Variants in ANO10 observed in about 807,000 individuals in gnomAD.
ANO10 encodes the protein anoctamin 10.
ANO10 carries 77 observed loss-of-function variants against 74.7 expected under a neutral mutation model. The observed-to-expected ratio is 1.03, with a 90% CI of 0.86 to 1.25. The LOEUF (loss-of-function observed/expected upper bound fraction) is 1.25, where lower values mean the gene tolerates loss of function less well. Ranked by LOEUF, ANO10 falls within the 50% of genes most tolerant of loss-of-function variation. The probability of loss-of-function intolerance (pLI) is 0.00; values close to 1 mark genes in which losing one functional copy is unlikely to be tolerated. For synonymous variants in ANO10, 279 were observed against 284.9 expected, an observed-to-expected ratio of 0.98 and a Z score of 0.21; for missense variants, 721 against 778.1, an observed-to-expected ratio of 0.93 and a Z score of 0.87.
At chr3:43,383,557 C>G (rs979270284) in intron 12 of ANO10, among the ~76,000 whole-genome samples, 1 of 151,328 alleles carries the variant, frequency 6.6e-6, no homozygotes, top group African/African-American at 2.4e-5. Flanking sequence ...ATGTGATATA[C>G]CACATAAACC....
intron 11 of ANO10, among the ~76,000 whole-genome samples, chr3:43,470,534 G>A (rs553849055): frequency 2.0e-3 from 307 of 151,942 alleles, no homozygotes; most frequent in Middle Eastern, 0.01. Flanking sequence ...TAGTAGAGAC[G>A]GGGTTTCACC....
intron 6 of ANO10, 23 bp from the exon 7 acceptor site, chr3:43,574,887 T>C: frequency 6.2e-7 from 1 of 1,606,454 alleles, no homozygotes; most frequent in Non-Finnish European, 8.5e-7. Flanking sequence ...AACACACAGG[T>C]AACTTCTCAG....
At chr3:43,374,116 T>C (rs2091716452) in intron 12 of ANO10, among the ~76,000 whole-genome samples, 1 of 152,180 alleles carries the variant, frequency 6.6e-6, no homozygotes, top group Admixed American at 6.5e-5. Flanking sequence ...GGGGCTCAGG[T>C]CCATGGGTCT....
Position 43,561,337 on chromosome 3 carries a change from A to G in ANO10, c.1359T>C (p.Tyr453=), listed in dbSNP as rs754753502. The change falls in exon 9 of 13, where the codon TAT becomes TAC. Residue 453 remains tyrosine (Y), a synonymous_variant. Coordinates refer to ENST00000292246, the MANE Select transcript of ANO10 (RefSeq NM_018075.5). Reference sequence around the variant, plus strand: ...GCACACCATGCTTCCTTTGGAGCCAATAAGGAAGAAAAGATTCCATAATTT... The same window carrying G: ...GCACACCATGCTTCCTTTGGAGCCAGTAAGGAAGAAAAGATTCCATAATTT... The part of the protein sequence containing the change: ...LNQIMESFLP[Y]WLQRKHGVRV... 4 of 1,614,174 alleles carry G rather than the reference A, an allele frequency of 2.5e-6. No individual in the cohort carries two copies. Among genetic ancestry groups the G allele is most frequent in the East Asian group, 2.2e-5 (1 of 44,874 alleles).
At chr3:43,651,059 A>G (rs1041462501) in intron 1 of ANO10, among the ~76,000 whole-genome samples, 3 of 152,180 alleles carry the variant, frequency 2.0e-5, no homozygotes, top group Admixed American at 6.5e-5. Context: ...TCTGTTACTT[A>G]TACAAAAGCT....
At chr3:43,414,268 A>C (rs1308043026) in intron 12 of ANO10, among the ~76,000 whole-genome samples, 1 of 152,220 alleles carries the variant, frequency 6.6e-6, no homozygotes, top group East Asian at 1.9e-4. Flanking sequence ...CAGAATAAAA[A>C]GAAGACGAAA....
At chr3:43,507,151 A>G (rs1246701053) in intron 11 of ANO10, among the ~76,000 whole-genome samples, 2 of 152,118 alleles carry the variant, frequency 1.3e-5, no homozygotes, top group Non-Finnish European at 2.9e-5. Context: ...TTATCTTTTT[A>G]TCTACCCAAG....
intron 11 of ANO10, among the ~76,000 whole-genome samples, chr3:43,469,303 C>T (rs1976030): frequency 7.8e-4 from 118 of 152,182 alleles, no homozygotes; most frequent in Admixed American, 1.3e-3. Flanking sequence ...ACCTTGGCCT[C>T]CCAAACTGCT....
chr3:43,478,122 T>C (rs2076142970), intron 11 of ANO10, among the ~76,000 whole-genome samples: 1 of 152,194 alleles, frequency 6.6e-6, no homozygotes. Context: ...ATAAGGAAAC[T>C]GAGGATCAGA....
intron 1 of ANO10, among the ~76,000 whole-genome samples, chr3:43,645,546 T>A (rs1247071869): frequency 2.6e-5 from 4 of 152,106 alleles, no homozygotes; most frequent in Admixed American, 2.6e-4. Context: ...AAGAGAATAT[T>A]CTCTGCCTCT....
At chr3:43,634,346 A>G (rs887233367) in intron 1 of ANO10, among the ~76,000 whole-genome samples, 3 of 152,210 alleles carry the variant, frequency 2.0e-5, no homozygotes, top group Non-Finnish European at 4.4e-5. Context: ...TAGTATAAAA[A>G]TAAAAGACTA....
At chr3:43,520,229 A>G (rs2077890511) in intron 11 of ANO10, among the ~76,000 whole-genome samples, 1 of 152,144 alleles carries the variant, frequency 6.6e-6, no homozygotes, top group South Asian at 2.1e-4. Context: ...ATCCAGTTTT[A>G]GTTGATTTTT....
intron 12 of ANO10, among the ~76,000 whole-genome samples, chr3:43,418,019 C>T (rs1424797385): frequency 6.6e-6 from 1 of 152,194 alleles, no homozygotes; most frequent in African/African-American, 2.4e-5. Flanking sequence ...TGGCTCACGC[C>T]TGTAATCCCA....
chr3:43,451,495 A>G (rs868369166), intron 11 of ANO10, among the ~76,000 whole-genome samples: 2 of 152,134 alleles, frequency 1.3e-5, no homozygotes, highest in Non-Finnish European at 2.9e-5. Flanking sequence ...AGTCCTGCAC[A>G]CTAGTCTCCA....
intron 1 of ANO10, among the ~76,000 whole-genome samples, chr3:43,610,979 T>C (rs906968969): frequency 4.6e-5 from 7 of 152,158 alleles, no homozygotes; most frequent in African/African-American, 1.7e-4. Context: ...TTGTCTAAGG[T>C]TTCTTGTCTA....
At chr3:43,439,920 T>C (rs2093134390) in intron 11 of ANO10, among the ~76,000 whole-genome samples, 1 of 151,930 alleles carries the variant, frequency 6.6e-6, no homozygotes, top group South Asian at 2.1e-4. Flanking sequence ...ATAATAAAAG[T>C]GGTGAGGGGA....
intron 11 of ANO10, among the ~76,000 whole-genome samples, chr3:43,513,711 C>T (rs2077599097): frequency 2.0e-5 from 3 of 152,082 alleles, no homozygotes; most frequent in Non-Finnish European, 4.4e-5. Context: ...AGGGTTTCAC[C>T]ATGTTAGCCA....
chr3:43,618,904 C>G (rs1419068102), intron 1 of ANO10, among the ~76,000 whole-genome samples: 2 of 152,142 alleles, frequency 1.3e-5, no homozygotes, highest in Non-Finnish European at 2.9e-5. Context: ...CGGGTTCACG[C>G]CATTCTCCTG....
intron 4 of ANO10, among the ~76,000 whole-genome samples, chr3:43,582,280 T>A (rs1236247596): frequency 2.6e-5 from 4 of 151,850 alleles, no homozygotes; most frequent in Non-Finnish European, 1.5e-5. Flanking sequence ...TGAAACCCCA[T>A]CTCTACTAAA....
Sources: allele counts gnomAD v4.1 joint callset (sites outside exome capture counted in the v4.1 genomes callset), GRCh38; gene constraint gnomAD v4.1.1; transcripts MANE v1.5; gene names NCBI Gene and HGNC (gene_info 2026-07-23, HGNC 2026-07-21).